Variants in FAM200C observed in about 807,000 individuals in gnomAD.
At chr5:160,399,753 G>T in the FAM200C span, 4 of 151,354 alleles carry the variant, frequency 2.6e-5, no homozygotes, top group Non-Finnish European at 4.4e-5. Context: ...ACAGCCTCCC[G>T]GGTGAGATAA....
the FAM200C span, chr5:160,394,662 C>T: frequency 1.2e-6 from 2 of 1,613,888 alleles, no homozygotes; most frequent in Non-Finnish European, 1.7e-6. Context: ...ATGACAAGTG[C>T]ATGAGGATTC....
At chr5:160,400,010 A>G in the FAM200C span, 1 of 152,264 alleles carries the variant, frequency 6.6e-6, no homozygotes, top group South Asian at 2.1e-4. Context: ...AAGCATCCGC[A>G]ACAACCTCCG....
At chr5:160,395,453 C>G in the FAM200C span, 2 of 1,614,084 alleles carry the variant, frequency 1.2e-6, no homozygotes, top group Non-Finnish European at 1.7e-6. Context: ...GAACCAGTAG[C>G]GAACATAGTC....
At chr5:160,396,161 C>T in the FAM200C span, among the ~76,000 whole-genome samples, 4 of 152,022 alleles carry the variant, frequency 2.6e-5, no homozygotes, top group African/African-American at 9.7e-5. Flanking sequence ...TCCACCCCAC[C>T]CTTCCAAGTC....
the FAM200C span, chr5:160,393,943 G>A: frequency 6.2e-7 from 1 of 1,613,996 alleles, no homozygotes; most frequent in Non-Finnish European, 8.5e-7. Flanking sequence ...GGGCACACCA[G>A]AAATCCTCAA....
chr5:160,399,187 T>C, the FAM200C span, among the ~76,000 whole-genome samples: 1,956 of 152,330 alleles, frequency 0.013, 47 homozygotes, highest in African/African-American at 0.045. Context: ...TTTTGAGAGA[T>C]TATCTTCAGA....
chr5:160,395,592 A>G, the FAM200C span: 2 of 908,802 alleles, frequency 2.2e-6, no homozygotes, highest in Non-Finnish European at 3.6e-6. Flanking sequence ...TAACTGAATT[A>G]AAACAAAGCC....
At chr5:160,398,827 C>T in the FAM200C span, among the ~76,000 whole-genome samples, 1 of 152,102 alleles carries the variant, frequency 6.6e-6, no homozygotes, top group East Asian at 1.9e-4. Flanking sequence ...TCCTAAAAAA[C>T]GTAAACATTA....
chr5:160,394,602 C>T, the FAM200C span: 5 of 1,614,006 alleles, frequency 3.1e-6, no homozygotes, highest in African/African-American at 5.3e-5. Flanking sequence ...AAATTTATTA[C>T]CCTCACCACA....
the FAM200C span, chr5:160,395,038 A>T: frequency 6.2e-7 from 1 of 1,613,942 alleles, no homozygotes; most frequent in Non-Finnish European, 8.5e-7. Flanking sequence ...GGCTCATTTC[A>T]TCAATTCTAG....
the FAM200C span, chr5:160,399,761 T>C: frequency 6.7e-6 from 1 of 149,030 alleles, no homozygotes; most frequent in East Asian, 2.0e-4. Context: ...CCGGGTGAGA[T>C]AAGAACGCCA....
At chr5:160,394,596 T>G in the FAM200C span, 50 of 1,614,032 alleles carry the variant, frequency 3.1e-5, 1 homozygote, top group South Asian at 5.3e-4. Flanking sequence ...TTGATGAAAT[T>G]TATTACCCTC....
the FAM200C span, chr5:160,395,276 G>A: frequency 6.2e-7 from 1 of 1,614,078 alleles, no homozygotes; most frequent in South Asian, 1.1e-5. Flanking sequence ...CTGATCAGAT[G>A]GTGCTGGCAT....
At chr5:160,394,216 G>A in the FAM200C span, 1 of 1,611,296 alleles carries the variant, frequency 6.2e-7, no homozygotes, top group South Asian at 1.1e-5. Context: ...AAGGAAAATT[G>A]GTAAAATTTC....
chr5:160,394,167 A>C, the FAM200C span: 1 of 1,612,364 alleles, frequency 6.2e-7, no homozygotes, highest in Non-Finnish European at 8.5e-7. Context: ...GCTGCAATGA[A>C]TATGCCTTCA....
At chr5:160,396,491 C>A in the FAM200C span, among the ~76,000 whole-genome samples, 1 of 151,994 alleles carries the variant, frequency 6.6e-6, no homozygotes, top group African/African-American at 2.4e-5. Flanking sequence ...TAGCTCATGC[C>A]TGTAATCCCA....
At chr5:160,393,623 C>T in the FAM200C span, 4 of 1,024,402 alleles carry the variant, frequency 3.9e-6, no homozygotes, top group African/African-American at 1.6e-5. Context: ...TTCAGTATAT[C>T]ATAAATATGA....
At chr5:160,393,749 T>G in the FAM200C span, 2 of 1,553,436 alleles carry the variant, frequency 1.3e-6, no homozygotes, top group East Asian at 4.9e-5. Flanking sequence ...TTCAATGATG[T>G]CCGAGAAACG....
At chr5:160,394,731 C>A in the FAM200C span, 2 of 1,614,122 alleles carry the variant, frequency 1.2e-6, no homozygotes, top group Middle Eastern at 3.3e-4. Flanking sequence ...GCAACAAACT[C>A]GGAATTTTCT....
Sources: gnomAD v4.1 joint callset for allele counts (sites outside exome capture counted in the v4.1 genomes callset) on GRCh38, gnomAD v4.1.1 for gene constraint, MANE v1.5 for transcripts.